Variants in MAPK8IP1 observed in about 807,000 individuals in gnomAD.
MAPK8IP1 encodes the protein C-Jun-amino-terminal kinase-interacting protein 1.
In MAPK8IP1, 17 loss-of-function variants were observed where a neutral mutation model predicts 72.6. The observed-to-expected ratio is 0.23, with a 90% confidence interval of 0.16 to 0.35. The LOEUF (loss-of-function observed/expected upper bound fraction) is 0.35. MAPK8IP1 is among the 10% of genes least tolerant of loss of function. The probability of loss-of-function intolerance (pLI) is 1.00; values close to 1 mark genes in which losing one functional copy is unlikely to be tolerated. For synonymous variants in MAPK8IP1, 401 were observed against 443.4 expected, an observed-to-expected ratio of 0.90 and a Z score of 1.20; for missense variants, 789 against 1,009.7, an observed-to-expected ratio of 0.78 and a Z score of 2.96.
chr11:45,902,805 G>A lies in MAPK8IP1; in HGVS notation c.1038G>A (p.Glu346=), dbSNP rs1164243100. ...FDCLSSPERA[E]PPGGGWRGSL... ...GCCTGTCGTCCCCAGAGCGGGCTGA[G>A]CCCCCAGGCGGAGGGTGGCGGGGGA... is the stretch of plus-strand genomic sequence containing the variant. Residue 346 remains glutamate (E), a synonymous_variant, in exon 5 of 12, where the codon GAG becomes GAA. Coordinates refer to ENST00000241014, the MANE Select transcript of MAPK8IP1 (RefSeq NM_005456.4). The surrounding 1 kb of genome is among the most constrained non-coding windows in gnomAD (Gnocchi z 9.3). 1 of 1,585,932 alleles carries A rather than the reference G, an allele frequency of 6.3e-7. No individual in the cohort carries two copies. The highest frequency in any genetic ancestry group is 8.6e-7 in the Non-Finnish European group (1 of 1,168,792).
At chr11:45,899,216 C>T (rs946134014) in intron 2 of MAPK8IP1, among the ~76,000 whole-genome samples, 5 of 152,260 alleles carry the variant, frequency 3.3e-5, no homozygotes, top group African/African-American at 1.2e-4. Context: ...AGAGCCCTGA[C>T]TTAGCTTCTC....
chr11:45,895,256 G>C (rs1365746931), intron 1 of MAPK8IP1, among the ~76,000 whole-genome samples: 2 of 152,196 alleles, frequency 1.3e-5, no homozygotes, highest in Non-Finnish European at 2.9e-5. Flanking sequence ...GGACATCTGG[G>C]AGGGCAGAGG....
intron 1 of MAPK8IP1, among the ~76,000 whole-genome samples, chr11:45,897,524 GGA>G (rs1463933990): frequency 6.6e-6 from 1 of 152,216 alleles, no homozygotes; most frequent in Non-Finnish European, 1.5e-5. Flanking sequence ...GCATGAGGCT[GGA>G]GTCCTTTCTG....
chr11:45,903,301 C>A lies in MAPK8IP1; in HGVS notation c.1418-64C>A. Reference sequence around the variant, plus strand: ...CATCTGGTTAGGACTGAGGCTTCTACCTGCCCCGCTAAACCTGGATCAGAG... The same window carrying A: ...CATCTGGTTAGGACTGAGGCTTCTAACTGCCCCGCTAAACCTGGATCAGAG... On this transcript the variant is annotated intron_variant, in intron 5 of 11. Transcript: ENST00000241014. The surrounding 1 kb of genome is among the most constrained non-coding windows in gnomAD (Gnocchi z 6.4). 1 of 1,591,842 alleles carries A rather than the reference C, an allele frequency of 6.3e-7. No homozygotes were observed. The highest frequency in any genetic ancestry group is 8.6e-7 in the Non-Finnish European group (1 of 1,162,982).
Position 45,902,643 on chromosome 11 carries a change from T to A in MAPK8IP1, c.876T>A (p.Ala292=). 2 of 1,612,906 alleles carry A rather than the reference T, an allele frequency of 1.2e-6. No homozygotes were observed. The highest frequency in any genetic ancestry group is 2.2e-5 in the East Asian group (1 of 44,858). ...CCCCAGTGCAGAGGCCCCCAGACGC[T>A]GCAGAGCCCACCTCCGCCTTCCTGC... ...YLTPVQRPPD[A]AEPTSAFLPP... Residue 292 remains alanine (A), a synonymous_variant, in exon 5 of 12, where the codon GCT becomes GCA. Coordinates refer to ENST00000241014, the MANE Select transcript of MAPK8IP1 (RefSeq NM_005456.4). The surrounding 1 kb of genome is among the most constrained non-coding windows in gnomAD (Gnocchi z 9.3).
intron 1 of MAPK8IP1, chr11:45,896,915 C>T: frequency 6.4e-7 from 1 of 1,572,220 alleles, no homozygotes; most frequent in East Asian, 2.3e-5. Flanking sequence ...CGAGCCCAGA[C>T]AATGACAGCT....
chr11:45,906,420 C>G lies in MAPK8IP1; in HGVS notation c.*699C>G. ...TGACACAGGCCAGCCCCATCTTGGT[C>G]CTGTCACCCTGGCCCCAACTATTAA... On this transcript the variant is annotated 3_prime_UTR_variant, in exon 12 of 12. Transcript: ENST00000241014. 1 of 1,066,518 alleles carries G rather than the reference C, an allele frequency of 9.4e-7. No individual in the cohort carries two copies. The highest frequency in any genetic ancestry group is 1.3e-6 in the Non-Finnish European group (1 of 778,024). The allele number at this position is 1,066,518 out of a possible 1,614,324, so 66.1% of individuals were successfully genotyped here.
rs938507085 is a variant in MAPK8IP1 at position 45,900,550 on chromosome 11, G to A, written c.522+98G>A. 7.2e-7 allele frequency: 1 copy of A among 1,395,898 alleles called. No individual in the cohort carries two copies. Among genetic ancestry groups the A allele is most frequent in the African/African-American group, 1.5e-5 (1 of 67,344 alleles). The allele number at this position is 1,395,898 out of a possible 1,614,324, so 86.5% of individuals were successfully genotyped here. ...GCGGGAAGGGGCACCCACGGGTCCA[G>A]TGCCTGGGGACAGCGCCTGCATAGG... On this transcript the variant is annotated intron_variant, in intron 3 of 11. Transcript: ENST00000241014. The surrounding 1 kb of genome is among the most constrained non-coding windows in gnomAD (Gnocchi z 6.5).
rs1386664137 is a variant in MAPK8IP1 at position 45,904,242 on chromosome 11, G to A, written c.1666+81G>A. 3.4e-6 allele frequency: 5 copies of A among 1,480,390 alleles called. No individual in the cohort carries two copies. The African/African-American group carries it at 7.0e-5, about 21-fold the overall frequency. The allele number at this position is 1,480,390 out of a possible 1,614,324, so 91.7% of individuals were successfully genotyped here. On this transcript the variant is annotated intron_variant, in intron 7 of 11. Coordinates refer to ENST00000241014, the MANE Select transcript of MAPK8IP1 (RefSeq NM_005456.4). This position sits in a 1 kb window ranked among gnomAD's most constrained non-coding sequence, Gnocchi z 6.4. ...TGCTGCTAGGTGAACGTGTACTCCA[G>A]ATCTCAGCCAGCCAGGTGGGGGGCT...
Position 45,903,927 on chromosome 11 carries a change from A to C in MAPK8IP1, c.1494-62A>C, listed in dbSNP as rs2086680517. On this transcript the variant is annotated intron_variant, in intron 6 of 11. Transcript: ENST00000241014. This position sits in a 1 kb window ranked among gnomAD's most constrained non-coding sequence, Gnocchi z 6.4. The stretch of plus-strand genomic sequence containing the variant: ...GATGCTGCTGTGGCTCCCAGACCCC[A>C]GAGTAGGCCTGGCTGGACAGGCCTT... 6.7e-7 allele frequency: 1 copy of C among 1,485,932 alleles called. No homozygotes were observed. Among genetic ancestry groups the C allele is most frequent in the Non-Finnish European group, 9.4e-7 (1 of 1,067,784 alleles). The allele number at this position is 1,485,932 out of a possible 1,614,324, so 92.0% of individuals were successfully genotyped here.
At chr11:45,886,328 C>A (rs181609819) in intron 1 of MAPK8IP1, among the ~76,000 whole-genome samples, 21 of 152,350 alleles carry the variant, frequency 1.4e-4, no homozygotes, top group African/African-American at 4.8e-4. Flanking sequence ...GTCGCAGTTT[C>A]CTGGGGCAAC....
chr11:45,896,707 C>CT lies in MAPK8IP1; in HGVS notation c.102-1377dup, dbSNP rs920867138. On this transcript the variant is annotated intron_variant, in intron 1 of 11. Coordinates refer to ENST00000241014, the MANE Select transcript of MAPK8IP1 (RefSeq NM_005456.4). ...GCTGCAGCCTCCTCTCCTGGCCTGT[C>CT]TATTTTTAATGAGCTCCCCAGGCTT... 14 of 1,435,856 alleles carry CT rather than the reference C, an allele frequency of 9.8e-6. No homozygotes were observed. In the Admixed American group the frequency reaches 1.7e-4, roughly 17 times the overall value. 88.9% of individuals were successfully genotyped at this position (1,435,856 alleles called of 1,614,324 possible). A position where few individuals can be genotyped will look rare whatever the true frequency, so the allele number is the denominator to read the frequency against.
At chr11:45,886,654 C>G (rs1038732357) in intron 1 of MAPK8IP1, among the ~76,000 whole-genome samples, 1 of 152,180 alleles carries the variant, frequency 6.6e-6, no homozygotes, top group Non-Finnish European at 1.5e-5. Context: ...ACCCCCCAAT[C>G]TGGTGTTAGG....
rs973406013 is a variant in MAPK8IP1, at chr11:45,885,710, T to C, written c.-111T>C. On this transcript the variant is annotated 5_prime_UTR_variant, in exon 1 of 12. Transcript: ENST00000241014. ...CCTGCCAGACACAGGTGCGCCCGCCTAGCCCGAACTCCGCGGCGGCGGCTG... is the reference window on the plus strand; with the variant it reads ...CCTGCCAGACACAGGTGCGCCCGCCCAGCCCGAACTCCGCGGCGGCGGCTG... The C allele has an allele frequency of 2.0e-3, 1,033 of 516,270 alleles. 4 individuals are homozygous for C. The highest frequency in any genetic ancestry group is 1.3e-3 in the Non-Finnish European group (437 of 324,838). The allele number at this position is 516,270 out of a possible 1,614,324, so 32.0% of individuals were successfully genotyped here.
chr11:45,899,450 A>G (rs1237396848), intron 2 of MAPK8IP1, among the ~76,000 whole-genome samples: 5 of 152,204 alleles, frequency 3.3e-5, no homozygotes, highest in Non-Finnish European at 7.4e-5. Flanking sequence ...TCCCCACTCA[A>G]CTGATGAGGG....
At chr11:45,886,232 T>A (rs1590779869) in intron 1 of MAPK8IP1, among the ~76,000 whole-genome samples, 1 of 152,208 alleles carries the variant, frequency 6.6e-6, no homozygotes, top group Admixed American at 6.5e-5. Context: ...CGGCAGGGTC[T>A]GGGGTCGGGG....
intron 1 of MAPK8IP1, among the ~76,000 whole-genome samples, chr11:45,895,643 T>G (rs746112474): frequency 7.6e-6 from 1 of 130,826 alleles, no homozygotes; most frequent in African/African-American, 3.0e-5. Context: ...AATATATATA[T>G]ATATATATAT....
intron 1 of MAPK8IP1, chr11:45,896,957 G>A (rs1242877447): frequency 1.9e-6 from 3 of 1,567,872 alleles, no homozygotes; most frequent in Non-Finnish European, 2.6e-6. Flanking sequence ...GCTGGTAGGG[G>A]CTACCGGGGC....
chr11:45,902,188 G>T lies in MAPK8IP1; in HGVS notation c.604+127G>T. 9.7e-7 allele frequency: 1 copy of T among 1,032,050 alleles called. No individual in the cohort carries two copies. Among genetic ancestry groups the T allele is most frequent in the South Asian group, 1.3e-5 (1 of 78,714 alleles). The allele number at this position is 1,032,050 out of a possible 1,614,324, so 63.9% of individuals were successfully genotyped here. A position where few individuals can be genotyped will look rare whatever the true frequency, so the allele number is the denominator to read the frequency against. ...GAACTGCCCACCCACATCCCTGCAC[G>T]AGCCCATCCAGGGGCTGAGATCAGT... On this transcript the variant is annotated intron_variant, in intron 4 of 11. Coordinates refer to ENST00000241014, the MANE Select transcript of MAPK8IP1 (RefSeq NM_005456.4). The surrounding 1 kb of genome is among the most constrained non-coding windows in gnomAD (Gnocchi z 9.3).
Sources: gnomAD v4.1 joint callset for allele counts (sites outside exome capture counted in the v4.1 genomes callset) on GRCh38, gnomAD v4.1.1 for gene constraint, Gnocchi (gnomAD v3.1) non-coding constraint, MANE v1.5 for transcripts, NCBI Gene and HGNC (gene_info 2026-07-23, HGNC 2026-07-21) for gene names.